MINDY4: variants seen among roughly 807,000 people sequenced by gnomAD.
MINDY4 encodes the protein probable ubiquitin carboxyl-terminal hydrolase MINDY-4.
In MINDY4, 68 loss-of-function variants were observed where a neutral mutation model predicts 87.0. That is an observed-to-expected ratio of 0.78 (90% CI 0.64 to 0.96). The LOEUF is 0.96. Ranked by LOEUF, MINDY4 falls within the 40% of genes least tolerant of loss-of-function variation. MINDY4 has a pLI of 0.00. For missense variants in MINDY4, 919 were observed against 928.2 expected (o/e 0.99, Z 0.13); for synonymous variants, 379 against 363.2 (o/e 1.04, Z -0.50).
At chr7:30,791,025 G>T (rs62446934) in intron 4 of MINDY4, 140 bp from the exon 5 acceptor site, 69,125 of 882,060 alleles carry the variant, frequency 0.078, 3,271 homozygotes, top group Middle Eastern at 0.12. Context: ...TAATAGGCAA[G>T]ATTTTAAGGG....
At chr7:30,887,429 G>C (rs1462341508) in intron 17 of MINDY4, among the ~76,000 whole-genome samples, 1 of 152,252 alleles carries the variant, frequency 6.6e-6, no homozygotes, top group African/African-American at 2.4e-5. Context: ...GTGAGGTTGA[G>C]AGAAGAGCTG....
At chr7:30,785,296 A>C (rs1279806754) in intron 3 of MINDY4, among the ~76,000 whole-genome samples, 1 of 128,968 alleles carries the variant, frequency 7.8e-6, no homozygotes, top group Admixed American at 7.5e-5. Flanking sequence ...ACACACACAC[A>C]CACACCCATT....
chr7:30,883,466 C>T (rs563240419), intron 17 of MINDY4, among the ~76,000 whole-genome samples: 154 of 152,266 alleles, frequency 1.0e-3, no homozygotes, highest in African/African-American at 3.5e-3. Flanking sequence ...GGAGCAGCTC[C>T]GCCACTCTGA....
intron 5 of MINDY4, among the ~76,000 whole-genome samples, chr7:30,819,408 T>C (rs1416419414): frequency 2.0e-5 from 3 of 152,216 alleles, no homozygotes; most frequent in African/African-American, 7.2e-5. Flanking sequence ...AGACATAATA[T>C]GTGGACTGCT....
At chr7:30,808,812 G>A (rs1317358103) in intron 5 of MINDY4, among the ~76,000 whole-genome samples, 3 of 151,908 alleles carry the variant, frequency 2.0e-5, no homozygotes, top group South Asian at 2.1e-4. Context: ...GAGCCCCGTC[G>A]TCGGCCCTCC....
intron 5 of MINDY4, among the ~76,000 whole-genome samples, chr7:30,799,031 G>C (rs545055311): frequency 2.0e-5 from 3 of 152,140 alleles, no homozygotes; most frequent in African/African-American, 7.2e-5. Context: ...CACAGCTACT[G>C]TCTAAGGACA....
intron 5 of MINDY4, among the ~76,000 whole-genome samples, chr7:30,811,228 T>G (rs538310423): frequency 6.6e-6 from 1 of 152,040 alleles, no homozygotes; most frequent in East Asian, 1.9e-4. Context: ...TTATAGTAAC[T>G]TATACTATAA....
At chr7:30,885,427 G>C (rs1001650770) in intron 17 of MINDY4, among the ~76,000 whole-genome samples, 1 of 152,102 alleles carries the variant, frequency 6.6e-6, no homozygotes, top group Non-Finnish European at 1.5e-5. Context: ...CAGGAGAATC[G>C]CTTGAACCTG....
intron 9 of MINDY4, among the ~76,000 whole-genome samples, chr7:30,848,224 G>T (rs1025699982): frequency 3.3e-5 from 5 of 152,224 alleles, no homozygotes; most frequent in African/African-American, 9.7e-5. Context: ...GTCTATCCAT[G>T]TTGGGGAACA....
intron 5 of MINDY4, among the ~76,000 whole-genome samples, chr7:30,806,622 C>T (rs989760103): frequency 2.0e-5 from 3 of 152,260 alleles, no homozygotes; most frequent in Non-Finnish European, 4.4e-5. Flanking sequence ...AGAGCCATGG[C>T]CAGGGCTCCT....
chr7:30,771,601 G>GGGGGGATCATC, intron 1 of MINDY4, 45 bp downstream of exon 1: 1 of 1,555,476 alleles, frequency 6.4e-7, no homozygotes, highest in African/African-American at 1.4e-5. Flanking sequence ...GCTCTAATTT[G>GGGGGGATCATC]GGGGGATCAT....
chr7:30,808,623 T>C (rs1401342963), intron 5 of MINDY4, among the ~76,000 whole-genome samples: 1 of 152,158 alleles, frequency 6.6e-6, no homozygotes, highest in East Asian at 1.9e-4. Flanking sequence ...TGGAGTACTG[T>C]GACACCAGGA....
chr7:30,781,904 G>A (rs930203015), intron 2 of MINDY4, 73 bp from the exon 3 acceptor site: 2 of 1,032,498 alleles, frequency 1.9e-6, no homozygotes, highest in Non-Finnish European at 2.9e-6. Flanking sequence ...CAAAGAAGTG[G>A]AATAGTTGTC....
Position 30,829,459 on chromosome 7 carries a change from C to T in MINDY4, c.1132+722C>T, listed in dbSNP as rs146773527. Among the ~76,000 whole-genome samples, 39 of 152,310 alleles carry T rather than the reference C, an allele frequency of 2.6e-4. No individual in the cohort carries two copies. In the East Asian group the frequency reaches 6.9e-3, roughly 27 times the overall value. On this transcript the variant is annotated intron_variant, in intron 6 of 17. Coordinates refer to ENST00000265299, the MANE Select transcript of MINDY4 (RefSeq NM_032222.3). ...TGGAGCCAACAGTTTACCTGTTGCA[C>T]CATTTGGGCAGACAAGAGCTGTTCA...
Position 30,891,952 on chromosome 7 carries a change from C to T in MINDY4, c.2226-5C>T, listed in dbSNP as rs370750309. The T allele has an allele frequency of 1.4e-5, 22 of 1,614,090 alleles. No homozygotes were observed. In the South Asian group the frequency reaches 1.8e-4, roughly 13 times the overall value. On this transcript the variant is annotated splice_region_variant and splice_polypyrimidine_tract_variant and intron_variant, in intron 17 of 17. Transcript: ENST00000265299. The stretch of plus-strand genomic sequence containing the variant: ...TCTTTGTCTCTCTCCTCACTCTACG[C>T]TTAGGTGGAAGGGGGCATCAGTGAA...
intron 9 of MINDY4, among the ~76,000 whole-genome samples, chr7:30,848,151 T>A (rs566549901): frequency 1.3e-5 from 2 of 152,230 alleles, no homozygotes; most frequent in Non-Finnish European, 2.9e-5. Flanking sequence ...CTTCCAGATA[T>A]GGAGTTTTTC....
intron 13 of MINDY4, 21 bp from the exon 14 acceptor site, chr7:30,872,222 A>G (rs749278392): frequency 1.2e-6 from 2 of 1,613,762 alleles, no homozygotes; most frequent in Non-Finnish European, 1.7e-6. Context: ...CTGTGCTAAC[A>G]ATGCTTCTTG....
Position 30,860,026 on chromosome 7 carries a change from C to T in MINDY4, c.1745+702C>T, listed in dbSNP as rs117730741. On this transcript the variant is annotated intron_variant, in intron 13 of 17. Transcript: ENST00000265299. ...GTGTAGCAGATTAATAGCGCATGAA[C>T]GGTTGTGGAAAGTACAGTCAATTGC... Among the ~76,000 whole-genome samples, 1,055 of 152,284 alleles carry T rather than the reference C, an allele frequency of 6.9e-3. 7 individuals carry two copies. Among genetic ancestry groups the T allele is most frequent in the Non-Finnish European group, 0.011 (722 of 68,028 alleles).
rs559456229 is a variant in MINDY4 at position 30,846,257 on chromosome 7, A to G, written c.1446-4197A>G. Among the ~76,000 whole-genome samples the G allele has an allele frequency of 2.0e-3, 298 of 151,992 alleles. 1 individual carries two copies. Among genetic ancestry groups the G allele is most frequent in the South Asian group, 8.7e-3 (42 of 4,808 alleles). Reference sequence around the variant, plus strand: ...GACAGGGAGCTCCCCCAAATTATAGACTCTGTACATGGCTCCATGGGCACG... The same window carrying G: ...GACAGGGAGCTCCCCCAAATTATAGGCTCTGTACATGGCTCCATGGGCACG... On this transcript the variant is annotated intron_variant, in intron 9 of 17. Coordinates refer to ENST00000265299, the MANE Select transcript of MINDY4 (RefSeq NM_032222.3).
Sources: allele counts gnomAD v4.1 joint callset (sites outside exome capture counted in the v4.1 genomes callset), GRCh38; gene constraint gnomAD v4.1.1; transcripts MANE v1.5; gene names NCBI Gene and HGNC (gene_info 2026-07-23, HGNC 2026-07-21).